Variants in NEMF observed in about 807,000 individuals in gnomAD.
The protein encoded by NEMF is nuclear export mediator factor, also known as ribosome quality control complex subunit NEMF.
NEMF carries 89 observed loss-of-function variants against 162.2 expected under a neutral mutation model. That is an observed-to-expected ratio of 0.55 (90% confidence interval 0.46 to 0.65). The LOEUF (loss-of-function observed/expected upper bound fraction) is 0.65. Ranked by LOEUF, NEMF falls within the 30% of genes least tolerant of loss-of-function variation. The pLI, the probability that NEMF is intolerant of heterozygous loss-of-function variation, is 0.00. For missense variants in NEMF, 1,133 were observed against 1,261.9 expected, an observed-to-expected ratio of 0.90 and a Z score of 1.55; for synonymous variants, 421 against 404.5, an observed-to-expected ratio of 1.04 and a Z score of -0.49.
rs548814149 is a variant in NEMF at position 49,789,220 on chromosome 14, T to C, written c.2821A>G (p.Lys941Glu). The change falls in exon 28 of 33, where the codon AAA becomes GAA. Residue 941 changes from lysine (K) to glutamate (E), a missense_variant. Around this residue, in one of 3 missense-constraint regions of NEMF, gnomAD observed 532 missense variants for 578.6 expected, o/e 0.92. Transcript: ENST00000298310. Reference protein sequence around the residue: ...GGQRVSDNIKKETPFLEVITH... With the variant: ...GGQRVSDNIKEETPFLEVITH... ...ATAACCTCAAGGAACGGAGTTTCTT[T>C]CTTAATGTTGTCAGAGACCCTCTGT... 1.0e-4 allele frequency: 163 copies of C among 1,614,114 alleles called. No homozygotes were observed. In the South Asian group the frequency reaches 1.7e-3, roughly 17 times the overall value.
intron 16 of NEMF, among the ~76,000 whole-genome samples, chr14:49,817,666 A>T (rs1938257234): frequency 6.6e-6 from 1 of 152,222 alleles, no homozygotes. Flanking sequence ...GGCAGAAGTA[A>T]AAGGAGAAAT....
intron 18 of NEMF, among the ~76,000 whole-genome samples, chr14:49,813,662 G>GGTGTGTGTGTGTGTGTGTGT (rs57660068): frequency 2.0e-5 from 3 of 148,570 alleles, no homozygotes; most frequent in African/African-American, 7.5e-5. Flanking sequence ...TTTTTTATTA[G>GGTGTGTGTGTGTGTGTGTGT]GTGTGTGTGT....
Position 49,840,237 on chromosome 14 carries a change from A to G in NEMF, c.506+481T>C, listed in dbSNP as rs565991489. On this transcript the variant is annotated intron_variant, in intron 5 of 32. Transcript: ENST00000298310. ...AGCACTTTGGGAGGCCGAGGCAGGC[A>G]GATTGCCTGAGGTCAAGAGATCAAG... 2.2e-3 allele frequency among the ~76,000 whole-genome samples: 342 copies of G among 152,302 alleles called. 1 individual carries two copies. Among genetic ancestry groups the G allele is most frequent in the Non-Finnish European group, 3.6e-3 (244 of 68,014 alleles).
chr14:49,795,858 T>G lies in NEMF; in HGVS notation c.2552A>C (p.His851Pro), dbSNP rs1413613622. Residue 851 changes from histidine (H) to proline (P), a missense_variant, in exon 26 of 33, where the codon CAC (histidine) becomes CCC (proline). Coordinates refer to ENST00000298310, the MANE Select transcript of NEMF (RefSeq NM_004713.6). ...GKDKEKESTV[H>P]IETHQNTSKN... The stretch of plus-strand genomic sequence containing the variant: ...GCTTGTGTTCTGATGAGTTTCAATG[T>G]GTACAGTACTTTCTTTTTCTTTATC... 1.2e-6 allele frequency: 2 copies of G among 1,613,302 alleles called. No individual in the cohort carries two copies. The highest frequency in any genetic ancestry group is 1.7e-6 in the Non-Finnish European group (2 of 1,179,612).
rs546609765 is a variant in NEMF, at chr14:49,808,986, C to T, written c.1745-2853G>A. ...CAAATTACAACAACATTGAAATACA[C>T]TATGCATCAATGATAATGGCCAAAA... On this transcript the variant is annotated intron_variant, in intron 18 of 32. Coordinates refer to ENST00000298310, the MANE Select transcript of NEMF (RefSeq NM_004713.6). Among the ~76,000 whole-genome samples the T allele has an allele frequency of 3.3e-5, 5 of 152,210 alleles. No homozygotes were observed. The South Asian group carries it at 1.0e-3, about 32-fold the overall frequency.
intron 4 of NEMF, among the ~76,000 whole-genome samples, chr14:49,841,592 A>AG: frequency 6.6e-6 from 1 of 151,842 alleles, no homozygotes; most frequent in South Asian, 2.1e-4. Flanking sequence ...AAAAAAAAAA[A>AG]AAAAAAAATT....
At chr14:49,847,925 A>C (rs1197874585) in intron 3 of NEMF, among the ~76,000 whole-genome samples, 1 of 151,364 alleles carries the variant, frequency 6.6e-6, no homozygotes, top group Non-Finnish European at 1.5e-5. Flanking sequence ...CCAGCTACTC[A>C]GGAGGCTGAG....
At chr14:49,817,397 AC>A (rs1209175260) in intron 16 of NEMF, among the ~76,000 whole-genome samples, 1 of 152,212 alleles carries the variant, frequency 6.6e-6, no homozygotes, top group Non-Finnish European at 1.5e-5. Flanking sequence ...CCAAGATTGC[AC>A]CACTGCACTT....
Position 49,840,726 on chromosome 14 carries a change from A to G in NEMF, c.498T>C (p.Thr166=). ...DHARAAEPLL[T]LERLTEIVAS... The stretch of plus-strand genomic sequence containing the variant: ...AAAACAAAACACTTTACCTTTCCAA[A>G]GTAAGCAAAGGTTCAGCAGCTCTAG... Residue 166 remains threonine, a synonymous_variant, in exon 5 of 33, where the codon ACT becomes ACC. Transcript: ENST00000298310. The G allele has an allele frequency of 1.2e-6, 2 of 1,610,924 alleles. No homozygotes were observed. Among genetic ancestry groups the G allele is most frequent in the South Asian group, 2.2e-5 (2 of 90,344 alleles).
Position 49,848,557 on chromosome 14 carries a change from C to A in NEMF, c.232-2292G>T, listed in dbSNP as rs1469428106. ...GCTTTCTTCAAGACTCAAATACGGTCTGGGTATGGCAGCTCACGCCTGTAA... is the reference window on the plus strand; with the variant it reads ...GCTTTCTTCAAGACTCAAATACGGTATGGGTATGGCAGCTCACGCCTGTAA... On this transcript the variant is annotated intron_variant, in intron 3 of 32. Coordinates refer to ENST00000298310, the MANE Select transcript of NEMF (RefSeq NM_004713.6). Among the ~76,000 whole-genome samples the A allele has an allele frequency of 2.0e-5, 3 of 152,108 alleles. No individual in the cohort carries two copies. The East Asian group carries it at 5.8e-4, about 29-fold the overall frequency.
intron 25 of NEMF, among the ~76,000 whole-genome samples, chr14:49,799,227 A>AAAAAAGG (rs1890838555): frequency 6.7e-6 from 1 of 149,930 alleles, no homozygotes; most frequent in East Asian, 2.0e-4. Context: ...AAAAAAAAAA[A>AAAAAAGG]AAAAAAGGAA....
At chr14:49,786,818 C>T (rs1345256147) in intron 28 of NEMF, 68 bp from the exon 29 acceptor site, 3 of 1,429,440 alleles carry the variant, frequency 2.1e-6, no homozygotes, top group Non-Finnish European at 2.0e-6. Context: ...ATCATTAAAC[C>T]ATAAGGAGAA....
intron 29 of NEMF, 68 bp downstream of exon 29, chr14:49,786,650 T>G (rs1890193332): frequency 6.9e-7 from 1 of 1,457,824 alleles, no homozygotes; most frequent in Non-Finnish European, 9.6e-7. Flanking sequence ...ATAAGTTGTG[T>G]TTCAAACATT....
chr14:49,833,509 G>A lies in NEMF; in HGVS notation c.662-13C>T, dbSNP rs751087231. ...ACTTTTTCAATATCTAATGGTGGGG[G>A]AAAAAAAGGAAAAAAGGAGTGCCAA... On this transcript the variant is annotated splice_polypyrimidine_tract_variant and intron_variant, in intron 7 of 32. Coordinates refer to ENST00000298310, the MANE Select transcript of NEMF (RefSeq NM_004713.6). 4.6e-6 allele frequency: 7 copies of A among 1,526,446 alleles called. No homozygotes were observed. Among genetic ancestry groups the A allele is most frequent in the Non-Finnish European group, 6.2e-6 (7 of 1,122,804 alleles). 94.6% of individuals were successfully genotyped at this position (1,526,446 alleles called of 1,614,324 possible).
intron 25 of NEMF, among the ~76,000 whole-genome samples, chr14:49,798,088 G>A (rs181321316): frequency 1.8e-4 from 28 of 152,342 alleles, no homozygotes; most frequent in Admixed American, 1.8e-3. Flanking sequence ...GACCTGCCAG[G>A]ATAGGCTCTA....
chr14:49,796,173 T>C, intron 25 of NEMF: 1 of 572,986 alleles, frequency 1.7e-6, no homozygotes, highest in Non-Finnish European at 3.2e-6. Context: ...TCATCCAAGC[T>C]CAACATATTG....
Position 49,821,241 on chromosome 14 carries a change from C to T in NEMF, c.1577+4626G>A, listed in dbSNP as rs867884035. Among the ~76,000 whole-genome samples, 6 of 11,772 alleles carry T rather than the reference C, an allele frequency of 5.1e-4. 3 individuals carry two copies. The highest frequency in any genetic ancestry group is 5.5e-4 in the African/African-American group (6 of 10,884). 7.7% of individuals were successfully genotyped at this position (11,772 alleles called of 152,430 possible). A position where few individuals can be genotyped will look rare whatever the true frequency, so the allele number is the denominator to read the frequency against. On this transcript the variant is annotated intron_variant, in intron 16 of 32. Transcript: ENST00000298310. ...GGGGGTCAGCCCCCGCCAGGCCAGC[C>T]GCCCCGTCCGGGAGGGAGGTGGGGG...
chr14:49,843,266 G>T (rs1285932780), intron 4 of NEMF, among the ~76,000 whole-genome samples: 1 of 152,026 alleles, frequency 6.6e-6, no homozygotes, highest in African/African-American at 2.4e-5. Flanking sequence ...AGGTTGAGAT[G>T]GGAAGATTGC....
intron 16 of NEMF, among the ~76,000 whole-genome samples, chr14:49,824,007 T>G (rs1357005514): frequency 1.3e-5 from 2 of 151,690 alleles, no homozygotes; most frequent in Non-Finnish European, 2.9e-5. Context: ...CCTTCTCTAC[T>G]AAACACACAA....
Sources: gnomAD v4.1 joint callset for allele counts (sites outside exome capture counted in the v4.1 genomes callset) on GRCh38, gnomAD v4.1.1 for gene constraint, gnomAD v4.1.1 regional missense constraint, MANE v1.5 for transcripts, NCBI Gene and HGNC (gene_info 2026-07-23, HGNC 2026-07-21) for gene names.